Variants in B3GLCT observed in about 807,000 individuals in gnomAD.
B3GLCT encodes beta-1,3-glucosyltransferase.
In B3GLCT, 65 loss-of-function variants were observed where a neutral mutation model predicts 63.4. The ratio of observed to expected loss-of-function variants is 1.03; its 90% CI spans 0.84 to 1.26. The LOEUF is 1.26. Among genes scored for constraint, B3GLCT ranks in the 50% most tolerant of loss-of-function variants. The pLI is 0.00. For synonymous variants in B3GLCT, 233 were observed against 219.2 expected (o/e 1.06, Z -0.55); for missense variants, 577 against 604.8 (o/e 0.95, Z 0.48).
At chr13:31,206,394 G>A (rs557398111) in intron 1 of B3GLCT, among the ~76,000 whole-genome samples, 11 of 152,116 alleles carry the variant, frequency 7.2e-5, no homozygotes, top group Admixed American at 2.0e-4. Flanking sequence ...CCATAGGCCC[G>A]GATATAAACT....
At chr13:31,326,340 G>A (rs1465023796) in intron 14 of B3GLCT, among the ~76,000 whole-genome samples, 1 of 123,152 alleles carries the variant, frequency 8.1e-6, no homozygotes, top group Non-Finnish European at 1.6e-5. Flanking sequence ...CTGGAATGCA[G>A]TGGCATGATC....
At chr13:31,213,199 A>G (rs543276043) in intron 1 of B3GLCT, among the ~76,000 whole-genome samples, 1 of 152,356 alleles carries the variant, frequency 6.6e-6, no homozygotes, top group Non-Finnish European at 1.5e-5. Flanking sequence ...AGGGTCCCCC[A>G]TAGTGAAGAC....
intron 7 of B3GLCT, among the ~76,000 whole-genome samples, chr13:31,262,900 A>G (rs1593282110): frequency 6.6e-6 from 1 of 151,978 alleles, no homozygotes; most frequent in East Asian, 1.9e-4. Flanking sequence ...CGTGGCTGTG[A>G]TTTTTCTGAC....
At chr13:31,218,187 CT>C (rs35142866) in intron 2 of B3GLCT, among the ~76,000 whole-genome samples, 13,636 of 119,732 alleles carry the variant, frequency 0.11, 778 homozygotes, top group East Asian at 0.4. Context: ...TTTGTGGCTA[CT>C]TTTTTTTTTT....
intron 1 of B3GLCT, among the ~76,000 whole-genome samples, chr13:31,205,242 T>G (rs1173442939): frequency 6.6e-6 from 1 of 151,640 alleles, no homozygotes; most frequent in African/African-American, 2.4e-5. Flanking sequence ...TAGGTTTTTT[T>G]TTTTTGTTTT....
In B3GLCT at chr13:31,274,852, T is replaced by A. The variant is rs377085388; in HGVS notation, c.780+224T>A. 1.1e-4 allele frequency among the ~76,000 whole-genome samples: 16 copies of A among 152,334 alleles called. No homozygotes were observed. In the East Asian group the frequency reaches 2.9e-3, roughly 28 times the overall value. On this transcript the variant is annotated intron_variant, in intron 9 of 14. Coordinates refer to ENST00000343307, the MANE Select transcript of B3GLCT (RefSeq NM_194318.4). ...GGAAGTTTTCAAACCTTGCTCTTCT[T>A]CCTTCCTCCCCTTTTTAGAGTCCCC... is the stretch of plus-strand genomic sequence containing the variant.
At chr13:31,288,827 A>G (rs970034296) in intron 12 of B3GLCT, among the ~76,000 whole-genome samples, 1 of 152,200 alleles carries the variant, frequency 6.6e-6, no homozygotes, top group African/African-American at 2.4e-5. Context: ...GAAACAGGAA[A>G]CATGAAAAAG....
At chr13:31,261,371 T>C (rs991584169) in intron 7 of B3GLCT, among the ~76,000 whole-genome samples, 95 of 152,342 alleles carry the variant, frequency 6.2e-4, no homozygotes, top group Non-Finnish European at 1.1e-3. Flanking sequence ...CTGAGAACCA[T>C]GCACATGGGA....
At chr13:31,268,046 A>G (rs575441471) in intron 7 of B3GLCT, among the ~76,000 whole-genome samples, 103 of 152,206 alleles carry the variant, frequency 6.8e-4, no homozygotes, top group Non-Finnish European at 1.1e-3. Context: ...ATGTTAAACT[A>G]TGTTGCCCAG....
chr13:31,328,332 T>C (rs1352988533), intron 14 of B3GLCT, among the ~76,000 whole-genome samples: 1 of 152,176 alleles, frequency 6.6e-6, no homozygotes, highest in African/African-American at 2.4e-5. Flanking sequence ...GTCAAGACAA[T>C]TTTAGTATTG....
intron 10 of B3GLCT, among the ~76,000 whole-genome samples, chr13:31,281,971 T>C (rs1362121412): frequency 6.6e-6 from 1 of 152,240 alleles, no homozygotes; most frequent in African/African-American, 2.4e-5. Context: ...GAAAGATTTA[T>C]GCCATCTGTG....
intron 1 of B3GLCT, among the ~76,000 whole-genome samples, chr13:31,202,066 T>TAC (rs1416074892): frequency 1.3e-5 from 2 of 152,202 alleles, no homozygotes; most frequent in Non-Finnish European, 2.9e-5. Flanking sequence ...TGTCCCCACT[T>TAC]ACGATGTTCT....
chr13:31,214,564 T>C (rs989418163), intron 1 of B3GLCT, among the ~76,000 whole-genome samples: 2 of 152,206 alleles, frequency 1.3e-5, no homozygotes, highest in African/African-American at 2.4e-5. Context: ...TAGCAGTATC[T>C]GCATCACACT....
At chr13:31,297,661 T>G (rs533119519) in intron 12 of B3GLCT, among the ~76,000 whole-genome samples, 24 of 152,184 alleles carry the variant, frequency 1.6e-4, no homozygotes, top group African/African-American at 5.3e-4. Context: ...TTCCCACAGT[T>G]TGAGGGCTCA....
rs561923303 is a variant in B3GLCT, at chr13:31,207,046, G to A, written c.70+6892G>A. The stretch of plus-strand genomic sequence containing the variant: ...ACAAATAAGTTTCTAAAGGCTTAGA[G>A]CGTCTCAGATTGTGTGTACCATGGA... On this transcript the variant is annotated intron_variant, in intron 1 of 14. Transcript: ENST00000343307. Among the ~76,000 whole-genome samples, 28 of 152,318 alleles carry A rather than the reference G, an allele frequency of 1.8e-4. No individual in the cohort carries two copies. The South Asian group carries it at 5.0e-3, about 27-fold the overall frequency.
At chr13:31,250,337 G>A (rs537983303) in intron 6 of B3GLCT, among the ~76,000 whole-genome samples, 182 of 152,188 alleles carry the variant, frequency 1.2e-3, no homozygotes, top group African/African-American at 4.2e-3. Context: ...GCAAACCTGA[G>A]TAATTTTTGA....
At chr13:31,264,472 C>T (rs1289611806) in intron 7 of B3GLCT, among the ~76,000 whole-genome samples, 1 of 152,080 alleles carries the variant, frequency 6.6e-6, no homozygotes, top group Non-Finnish European at 1.5e-5. Flanking sequence ...TCTCCCTTTC[C>T]TCTGCCAGGA....
chr13:31,324,726 T>TTTTA (rs1355324960), intron 14 of B3GLCT, among the ~76,000 whole-genome samples: 1 of 152,134 alleles, frequency 6.6e-6, no homozygotes, highest in Non-Finnish European at 1.5e-5. Flanking sequence ...ATTTATTTAT[T>TTTTA]TTTATTTATT....
chr13:31,253,320 G>A (rs547147952), intron 6 of B3GLCT, among the ~76,000 whole-genome samples: 48 of 152,034 alleles, frequency 3.2e-4, no homozygotes, highest in African/African-American at 1.1e-3. Context: ...GACCGGGTGC[G>A]GTGGCTCATG....
Sources: allele counts gnomAD v4.1 joint callset (sites outside exome capture counted in the v4.1 genomes callset), GRCh38; gene constraint gnomAD v4.1.1; transcripts MANE v1.5; gene names NCBI Gene and HGNC (gene_info 2026-07-23, HGNC 2026-07-21).